The following DOCK5 variants were observed in gnomAD, a reference collection of about 807,000 sequenced individuals.
The protein encoded by DOCK5 is dedicator of cytokinesis protein 5.
Under a neutral mutation model 251.8 loss-of-function variants are expected in DOCK5, and 142 were observed. The observed-to-expected ratio is 0.56, with a 90% CI of 0.49 to 0.65. The LOEUF is 0.65. Among genes scored for constraint, DOCK5 ranks in the 30% least tolerant of loss-of-function variants. The pLI is 0.00. For missense variants in DOCK5, 2,111 were observed against 2,312.3 expected, an observed-to-expected ratio of 0.91 and a Z score of 1.79; for synonymous variants, 842 against 835.5, an observed-to-expected ratio of 1.01 and a Z score of -0.13.
chr8:25,351,090 C>T (rs1800458665), intron 26 of DOCK5, among the ~76,000 whole-genome samples: 1 of 151,936 alleles, frequency 6.6e-6, no homozygotes, highest in South Asian at 2.1e-4. Context: ...TGGAGTCTGG[C>T]TCTGTCACCC....
rs1451157168 is a variant in DOCK5 at position 25,279,519 on chromosome 8, T to G, written c.321+854T>G. ...TCTCACTCTTTCGCCCAAGCTGGACTGCAGTGGCGCTGTCCCGGCTCACTG... is the reference window on the plus strand; with the variant it reads ...TCTCACTCTTTCGCCCAAGCTGGACGGCAGTGGCGCTGTCCCGGCTCACTG... On this transcript the variant is annotated intron_variant, in intron 5 of 51. Transcript: ENST00000276440. Among the ~76,000 whole-genome samples the G allele has an allele frequency of 4.6e-5, 7 of 152,056 alleles. No individual in the cohort carries two copies. The East Asian group carries it at 1.2e-3, about 25-fold the overall frequency.
At chr8:25,330,197 G>T (rs1474532732) in intron 18 of DOCK5, among the ~76,000 whole-genome samples, 2 of 152,192 alleles carry the variant, frequency 1.3e-5, no homozygotes, top group African/African-American at 2.4e-5. Flanking sequence ...GAAGTAGATG[G>T]TGCCTAGTGG....
intron 1 of DOCK5, among the ~76,000 whole-genome samples, chr8:25,190,775 G>GATTTTTTTTTTTTTTTTTT (rs755511798): frequency 1.9e-5 from 1 of 53,980 alleles, no homozygotes; most frequent in Non-Finnish European, 3.3e-5. Context: ...CTTGGTCATG[G>GATTTTTTTTTTTTTTTTTT]GTTTTTTTTT....
chr8:25,184,858 G>T lies in DOCK5; in HGVS notation c.-51G>T. On this transcript the variant is annotated 5_prime_UTR_variant, in exon 1 of 52. The change creates a premature stop within an existing upstream ORF in the 5' untranslated region. Coordinates refer to ENST00000276440, the MANE Select transcript of DOCK5 (RefSeq NM_024940.8). ...CGCGGGGCGGCGGCGGCCGGAGCCC[G>T]AGGAGCTGTAGCAGCCTTAGTCGCC... 4.6e-6 allele frequency: 6 copies of T among 1,295,990 alleles called. No homozygotes were observed. The South Asian group carries it at 1.5e-4, about 33-fold the overall frequency. 80.3% of individuals were successfully genotyped at this position (1,295,990 alleles called of 1,614,324 possible).
At chr8:25,331,801 TAGAGAGAGAGAGAGAGAGAG>T (rs59239520) in intron 18 of DOCK5, among the ~76,000 whole-genome samples, 8 of 118,514 alleles carry the variant, frequency 6.8e-5, no homozygotes, top group South Asian at 3.1e-4. Context: ...TATATATATA[TAGAGAGAGAGAGAGAGAGAG>T]AGAGAGAGAG....
chr8:25,282,044 T>C (rs1236568681), intron 5 of DOCK5, among the ~76,000 whole-genome samples: 2 of 152,248 alleles, frequency 1.3e-5, no homozygotes, highest in Non-Finnish European at 2.9e-5. Flanking sequence ...TTTGTAGAAA[T>C]TCTCAGTCAG....
At chr8:25,389,261 G>A (rs78665415) in intron 41 of DOCK5, 29 bp downstream of exon 41, 8 of 1,607,784 alleles carry the variant, frequency 5.0e-6, no homozygotes, top group Admixed American at 1.7e-5. Flanking sequence ...GTATGGCCCC[G>A]AGGCTCTTAT....
intron 47 of DOCK5, 46 bp from the exon 48 acceptor site, chr8:25,403,512 G>A: frequency 1.9e-6 from 3 of 1,601,134 alleles, no homozygotes; most frequent in Non-Finnish European, 2.6e-6. Flanking sequence ...AGTTCATAGG[G>A]GCTGGATTCC....
intron 48 of DOCK5, among the ~76,000 whole-genome samples, chr8:25,404,830 C>G (rs1167065481): frequency 6.6e-6 from 1 of 152,134 alleles, no homozygotes; most frequent in South Asian, 2.1e-4. Context: ...CCAGTTTACA[C>G]TCCCACCAGC....
chr8:25,344,522 A>G (rs1800322762), intron 25 of DOCK5, among the ~76,000 whole-genome samples: 1 of 152,170 alleles, frequency 6.6e-6, no homozygotes, highest in Admixed American at 6.5e-5. Context: ...TAACTGGACA[A>G]ATGAGTGGCC....
rs181520011 is a variant in DOCK5 at position 25,375,528 on chromosome 8, C to T, written c.3816+874C>T. 3.2e-3 allele frequency: 735 copies of T among 228,704 alleles called. 1 individual carries two copies. Among genetic ancestry groups the T allele is most frequent in the Non-Finnish European group, 3.9e-3 (541 of 138,174 alleles). The allele number at this position is 228,704 out of a possible 1,614,324, so 14.2% of individuals were successfully genotyped here. A position where few individuals can be genotyped will look rare whatever the true frequency, so the allele number is the denominator to read the frequency against. ...GTACTAGGATTACAGGCATGAGCCA[C>T]CATGCTAGCCAATCCACTTTTCTTT... is the stretch of plus-strand genomic sequence containing the variant. On this transcript the variant is annotated intron_variant, in intron 37 of 51. Transcript: ENST00000276440.
At chr8:25,306,226 T>C (rs184859248) in intron 11 of DOCK5, among the ~76,000 whole-genome samples, 3 of 152,312 alleles carry the variant, frequency 2.0e-5, no homozygotes, top group Admixed American at 2.0e-4. Flanking sequence ...TGCTACCACC[T>C]ATATATTGAC....
chr8:25,316,197 A>G (rs1805246004), intron 13 of DOCK5, among the ~76,000 whole-genome samples: 1 of 152,212 alleles, frequency 6.6e-6, no homozygotes, highest in Non-Finnish European at 1.5e-5. Context: ...AAAGTACTCT[A>G]GGCTGGGCAT....
chr8:25,200,918 T>TTA (rs1801865863), intron 1 of DOCK5, among the ~76,000 whole-genome samples: 1 of 152,216 alleles, frequency 6.6e-6, no homozygotes, highest in South Asian at 2.1e-4. Context: ...TTCTTCTTTT[T>TTA]TTGTTTGAGA....
At chr8:25,268,276 G>T (rs978149090) in intron 2 of DOCK5, among the ~76,000 whole-genome samples, 1 of 152,092 alleles carries the variant, frequency 6.6e-6, no homozygotes, top group Non-Finnish European at 1.5e-5. Context: ...AGAATTGCAC[G>T]TAATTTTGTT....
At chr8:25,394,230 G>GA (rs987077365) in intron 44 of DOCK5, among the ~76,000 whole-genome samples, 10 of 150,224 alleles carry the variant, frequency 6.7e-5, no homozygotes, top group South Asian at 4.2e-4. Flanking sequence ...GTCTCTAAAA[G>GA]AAAAAAAAAT....
intron 48 of DOCK5, 94 bp from the exon 49 acceptor site, chr8:25,407,889 G>T (rs1318687905): frequency 1.4e-5 from 15 of 1,060,396 alleles, no homozygotes; most frequent in Non-Finnish European, 1.9e-5. Context: ...AAAAAAAATA[G>T]CCTAAAGAGT....
chr8:25,315,656 C>T (rs1377638101), intron 13 of DOCK5, among the ~76,000 whole-genome samples: 2 of 152,230 alleles, frequency 1.3e-5, no homozygotes, highest in Non-Finnish European at 2.9e-5. Context: ...AATATCCTTA[C>T]AGATAAATTA....
At chr8:25,189,793 T>C (rs1801529385) in intron 1 of DOCK5, among the ~76,000 whole-genome samples, 2 of 152,250 alleles carry the variant, frequency 1.3e-5, no homozygotes, top group Non-Finnish European at 2.9e-5. Flanking sequence ...TAAAGCTCTT[T>C]AGTTGTTTAG....
Sources: gnomAD v4.1 joint callset for allele counts (sites outside exome capture counted in the v4.1 genomes callset) on GRCh38, gnomAD v4.1.1 for gene constraint, MANE v1.5 for transcripts, NCBI Gene and HGNC (gene_info 2026-07-23, HGNC 2026-07-21) for gene names.